Variants in ZNF331 observed in about 807,000 individuals in gnomAD.
ZNF331 encodes the protein zinc finger protein 331.
A neutral mutation model predicts 7.0 loss-of-function variants in ZNF331; 2 were observed. The observed-to-expected ratio is 0.29, with a 90% CI of 0.12 to 0.90. The LOEUF (loss-of-function observed/expected upper bound fraction) is 0.90. Ranked by LOEUF, ZNF331 falls within the 40% of genes least tolerant of loss-of-function variation. The probability of loss-of-function intolerance (pLI) is 0.58; values close to 1 mark genes in which losing one functional copy is unlikely to be tolerated. For synonymous variants in ZNF331, 196 were observed against 205.4 expected (o/e 0.95, Z 0.39); for missense variants, 432 against 587.7 (o/e 0.74, Z 2.74).
chr19:53,562,137 G>A (rs1275245101), intron 3 of ZNF331, among the ~76,000 whole-genome samples: 1 of 151,984 alleles, frequency 6.6e-6, no homozygotes, highest in Non-Finnish European at 1.5e-5. Context: ...GGTAGAACAA[G>A]ACTCTGTCTC....
intron 4 of ZNF331, among the ~76,000 whole-genome samples, chr19:53,569,696 G>T (rs961098638): frequency 3.3e-5 from 5 of 152,036 alleles, no homozygotes; most frequent in Non-Finnish European, 7.4e-5. Flanking sequence ...AGATATGTTG[G>T]TCCCATCTGA....
In ZNF331 at chr19:53,548,288, T is replaced by C. The variant is rs557278473; in HGVS notation, c.-137-7557T>C. ...ACGCCCGGCTAATTTTTTTTTTGTA[T>C]TTTTAGTAGAGACAGGGTTTCACCC... is the stretch of plus-strand genomic sequence containing the variant. On this transcript the variant is annotated intron_variant, in intron 2 of 5. Transcript: ENST00000449416. 5.9e-5 allele frequency among the ~76,000 whole-genome samples: 9 copies of C among 152,088 alleles called. 1 individual carries two copies. In the South Asian group the frequency reaches 1.7e-3, roughly 28 times the overall value.
At chr19:53,504,217 C>A in the ZNF331 span, 2 of 312,996 alleles carry the variant, frequency 6.4e-6, no homozygotes, top group Non-Finnish European at 1.2e-5. Flanking sequence ...GGTTTCCCAG[C>A]TGTCAGCCCC....
chr19:53,544,258 T>C (rs75580598), intron 2 of ZNF331, among the ~76,000 whole-genome samples: 19,304 of 148,046 alleles, frequency 0.13, 1,498 homozygotes, highest in South Asian at 0.2. Flanking sequence ...AGAATCGATA[T>C]TATTAGGCCG....
Position 53,576,942 on chromosome 19 carries a change from G to C in ZNF331, c.382G>C (p.Glu128Gln). Residue 128 changes from glutamate to glutamine, a missense_variant, in exon 6 of 6, where the codon GAG (glutamate) becomes CAG (glutamine). Transcript: ENST00000449416. ...PPRTHQRHHK[E>Q]NSFECKDCGK... ...TAGAACACATCAGAGACATCATAAG[G>C]AGAATTCCTTTGAATGTAAGGACTG... is the stretch of plus-strand genomic sequence containing the variant. 6.2e-7 allele frequency: 1 copy of C among 1,614,192 alleles called. No individual in the cohort carries two copies. Among genetic ancestry groups the C allele is most frequent in the Non-Finnish European group, 8.5e-7 (1 of 1,180,038 alleles).
At chr19:53,533,032 T>G (rs1260950608) in intron 2 of ZNF331, among the ~76,000 whole-genome samples, 1 of 152,088 alleles carries the variant, frequency 6.6e-6, no homozygotes, top group Admixed American at 6.6e-5. Context: ...CGACTTTTAT[T>G]ATTCCTTTCA....
upstream of ZNF331, among the ~76,000 whole-genome samples, chr19:53,535,035 A>AT (rs1233905236): frequency 3.3e-5 from 5 of 151,032 alleles, no homozygotes; most frequent in Non-Finnish European, 7.4e-5. Context: ...AAAAAAAAAA[A>AT]AAAATTATTC....
chr19:53,554,000 A>G (rs1486706783), intron 2 of ZNF331, among the ~76,000 whole-genome samples: 1 of 152,188 alleles, frequency 6.6e-6, no homozygotes, highest in Admixed American at 6.5e-5. Flanking sequence ...TACGTTTCCC[A>G]GAGGCCCCCC....
rs546315595 is a variant in ZNF331, at chr19:53,554,282, C to A, written c.-137-1563C>A. Among the ~76,000 whole-genome samples, 19 of 152,334 alleles carry A rather than the reference C, an allele frequency of 1.2e-4. 1 individual carries two copies. The South Asian group carries it at 3.9e-3, about 32-fold the overall frequency. On this transcript the variant is annotated intron_variant, in intron 2 of 5. Transcript: ENST00000449416. ...GTGTGTGCATGTGTCAGCGTCTGTG[C>A]ACGCGCACATGTGTGTCGGGGTCTG...
chr19:53,552,290 T>A (rs2089061268), intron 2 of ZNF331, among the ~76,000 whole-genome samples: 1 of 152,214 alleles, frequency 6.6e-6, no homozygotes, highest in Non-Finnish European at 1.5e-5. Flanking sequence ...TTCCTCCTTA[T>A]GTGTCTTAGA....
intron 2 of ZNF331, among the ~76,000 whole-genome samples, chr19:53,544,182 A>G (rs373797530): frequency 1.2e-4 from 18 of 149,358 alleles, no homozygotes; most frequent in Middle Eastern, 3.4e-3. Flanking sequence ...AGTTGAGATC[A>G]CGCCACTGCA....
chr19:53,520,840 G>A (rs901910394), upstream of ZNF331: 28 of 152,068 alleles, frequency 1.8e-4, no homozygotes, highest in African/African-American at 6.5e-4. Context: ...GTTGCATGCT[G>A]GGAAATCCTG....
chr19:53,545,359 T>G (rs2147365294), intron 2 of ZNF331, among the ~76,000 whole-genome samples: 1 of 152,362 alleles, frequency 6.6e-6, no homozygotes. Flanking sequence ...GGGGCATAAC[T>G]GCTGCCTGCA....
At position 53,558,253 on chromosome 19, in the gene ZNF331, A is replaced by G. The variant is rs749918369; in HGVS notation, c.-74+2345A>G. Among the ~76,000 whole-genome samples, 12 of 152,178 alleles carry G rather than the reference A, an allele frequency of 7.9e-5. No individual in the cohort carries two copies. Among genetic ancestry groups the G allele is most frequent in the Non-Finnish European group, 1.2e-4 (8 of 68,034 alleles). On this transcript the variant is annotated intron_variant, in intron 3 of 5. Transcript: ENST00000449416. The surrounding 1 kb of genome is among the most constrained non-coding windows in gnomAD (Gnocchi z 4.5). Reference sequence around the variant, plus strand: ...CACATATACCAGTTTATTACAAAGGATATTTTAAAGGATACTAATGAACAG... The same window carrying G: ...CACATATACCAGTTTATTACAAAGGGTATTTTAAAGGATACTAATGAACAG...
In ZNF331 at chr19:53,579,576, A is replaced by G. The variant is rs900661940; in HGVS notation, c.*1624A>G. ...AATAACTATTGTTGTTTTTATGATC[A>G]TTACTACCATTTGTGTTGCCATTAG... On this transcript the variant is annotated 3_prime_UTR_variant, in exon 6 of 6. Coordinates refer to ENST00000449416, the MANE Select transcript of ZNF331 (RefSeq NM_001079906.2). 4.0e-4 allele frequency: 80 copies of G among 201,370 alleles called. 1 individual carries two copies. Among genetic ancestry groups the G allele is most frequent in the Non-Finnish European group, 7.5e-4 (73 of 97,516 alleles). The allele number at this position is 201,370 out of a possible 1,614,324, so 12.5% of individuals were successfully genotyped here.
chr19:53,546,742 G>A (rs543700686), intron 2 of ZNF331, among the ~76,000 whole-genome samples: 2 of 152,296 alleles, frequency 1.3e-5, no homozygotes, highest in East Asian at 1.9e-4. Context: ...TGTCAGTTTT[G>A]TGAGGCCTTT....
intron 2 of ZNF331, among the ~76,000 whole-genome samples, chr19:53,532,131 T>G (rs1396988976): frequency 3.9e-5 from 6 of 152,324 alleles, no homozygotes; most frequent in Admixed American, 3.9e-4. Flanking sequence ...ACATTTAACA[T>G]CTCTCAGCAA....
chr19:53,572,637 A>G (rs1600495074), intron 5 of ZNF331, among the ~76,000 whole-genome samples: 1 of 61,888 alleles, frequency 1.6e-5, no homozygotes, highest in Admixed American at 1.3e-4. Flanking sequence ...ATACATATAC[A>G]ATATATACAT....
upstream of ZNF331, among the ~76,000 whole-genome samples, chr19:53,515,963 T>C (rs1036507598): frequency 6.6e-6 from 1 of 152,112 alleles, no homozygotes; most frequent in Non-Finnish European, 1.5e-5. Context: ...TATTCAGCCA[T>C]GAAAACACAG....
Sources: gnomAD v4.1 joint callset for allele counts (sites outside exome capture counted in the v4.1 genomes callset) on GRCh38, gnomAD v4.1.1 for gene constraint, Gnocchi (gnomAD v3.1) non-coding constraint, MANE v1.5 for transcripts, NCBI Gene and HGNC (gene_info 2026-07-23, HGNC 2026-07-21) for gene names.